VSNL1: variants seen among roughly 807,000 people sequenced by gnomAD.
The protein encoded by VSNL1 is visinin-like protein 1.
VSNL1 carries 6 observed loss-of-function variants against 20.4 expected under a neutral mutation model. The ratio of observed to expected loss-of-function variants is 0.29; its 90% CI spans 0.16 to 0.58. The LOEUF (loss-of-function observed/expected upper bound fraction) is 0.58, where lower values mean the gene tolerates loss of function less well. VSNL1 is among the 20% of genes least tolerant of loss of function. The pLI, the probability that VSNL1 is intolerant of heterozygous loss-of-function variation, is 0.90. For missense variants in VSNL1, 100 were observed against 234.5 expected (o/e 0.43, Z 3.75); for synonymous variants, 93 against 86.4 (o/e 1.08, Z -0.42).
intron 2 of VSNL1, among the ~76,000 whole-genome samples, chr2:17,609,396 A>C (rs1382254087): frequency 6.6e-6 from 1 of 152,188 alleles, no homozygotes; most frequent in Non-Finnish European, 1.5e-5. Flanking sequence ...AGTAGCCTTC[A>C]TTTTGGTTGG....
chr2:17,605,618 G>A (rs1367522568), intron 2 of VSNL1, among the ~76,000 whole-genome samples: 1 of 152,192 alleles, frequency 6.6e-6, no homozygotes, highest in Non-Finnish European at 1.5e-5. Context: ...CAGGCAGAGT[G>A]TTAGGGGCAT....
At chr2:17,606,810 T>C (rs953296741) in intron 2 of VSNL1, among the ~76,000 whole-genome samples, 13 of 152,148 alleles carry the variant, frequency 8.5e-5, no homozygotes, top group African/African-American at 3.1e-4. Context: ...CTGGTCTACT[T>C]TGCATGAAAG....
chr2:17,618,150 T>G (rs1347220281), intron 2 of VSNL1, among the ~76,000 whole-genome samples: 1 of 152,206 alleles, frequency 6.6e-6, no homozygotes, highest in Non-Finnish European at 1.5e-5. Flanking sequence ...AGTCACCTGG[T>G]GTATCAGTTT....
At chr2:17,637,300 G>T (rs781758815) in intron 2 of VSNL1, among the ~76,000 whole-genome samples, 1 of 152,220 alleles carries the variant, frequency 6.6e-6, no homozygotes, top group Non-Finnish European at 1.5e-5. Flanking sequence ...AAGACTAAGG[G>T]CTGCTATGAC....
At chr2:17,543,134 T>C (rs1013403810) in intron 1 of VSNL1, among the ~76,000 whole-genome samples, 2 of 152,212 alleles carry the variant, frequency 1.3e-5, no homozygotes, top group Admixed American at 6.5e-5. Context: ...TCTCTTTGTC[T>C]TGTAAGGTCT....
At chr2:17,561,800 A>G (rs1663821959) in intron 1 of VSNL1, among the ~76,000 whole-genome samples, 1 of 152,038 alleles carries the variant, frequency 6.6e-6, no homozygotes, top group South Asian at 2.1e-4. Flanking sequence ...GGAGAGAGAG[A>G]CTGTTTATGA....
chr2:17,556,644 C>A (rs1208475627), intron 1 of VSNL1, among the ~76,000 whole-genome samples: 1 of 152,152 alleles, frequency 6.6e-6, no homozygotes, highest in Non-Finnish European at 1.5e-5. Context: ...TTCACAGTGG[C>A]ATATGTATAA....
chr2:17,637,674 C>T (rs1195281892), intron 2 of VSNL1, among the ~76,000 whole-genome samples: 7 of 152,310 alleles, frequency 4.6e-5, no homozygotes, highest in African/African-American at 1.4e-4. Context: ...AGAGAGTGTG[C>T]GCTATGCAAA....
intron 2 of VSNL1, among the ~76,000 whole-genome samples, chr2:17,625,922 C>T (rs1490259056): frequency 6.6e-6 from 1 of 150,766 alleles, no homozygotes; most frequent in Non-Finnish European, 1.5e-5. Context: ...CCTGCCTCAG[C>T]CTCCTAAGCA....
intron 3 of VSNL1, among the ~76,000 whole-genome samples, chr2:17,652,415 G>A (rs963526863): frequency 2.6e-5 from 4 of 152,204 alleles, no homozygotes; most frequent in Non-Finnish European, 4.4e-5. Context: ...AGTAAAAGGA[G>A]AAAAGTAATC....
rs1666079768 is a variant in VSNL1 at position 17,649,614 on chromosome 2, G to C, written c.367G>C (p.Glu123Gln). Residue 123 changes from glutamate (E) to glutamine (Q), a missense_variant, in exon 3 of 4, where the codon GAG becomes CAG. Physicochemically the swap from Glu to Gln is conservative, Grantham distance 29. Coordinates refer to ENST00000295156, the MANE Select transcript of VSNL1 (RefSeq NM_003385.5). The surrounding 1 kb of genome is among the most constrained non-coding windows in gnomAD (Gnocchi z 6.4). ...CAAGATCACCCGAGTGGAGATGCTG[G>C]AGATCATCGAGGTGAGGCCCGGGGT... ...DGKITRVEML[E>Q]IIEAIYKMVG... 1 of 1,614,022 alleles carries C rather than the reference G, an allele frequency of 6.2e-7. No individual in the cohort carries two copies. The highest frequency in any genetic ancestry group is 1.3e-5 in the African/African-American group (1 of 74,932).
At chr2:17,642,418 C>T (rs1368685095) in intron 2 of VSNL1, among the ~76,000 whole-genome samples, 1 of 151,230 alleles carries the variant, frequency 6.6e-6, no homozygotes, top group Non-Finnish European at 1.5e-5. Context: ...ACACCATCCT[C>T]CTGCCTCAGC....
chr2:17,582,578 A>G (rs1314418667), intron 1 of VSNL1, among the ~76,000 whole-genome samples: 2 of 152,114 alleles, frequency 1.3e-5, no homozygotes, highest in East Asian at 3.9e-4. Flanking sequence ...TAACTTGTTG[A>G]TAGGTTTACA....
At chr2:17,601,487 T>G (rs1302012609) in intron 2 of VSNL1, among the ~76,000 whole-genome samples, 1 of 150,688 alleles carries the variant, frequency 6.6e-6, no homozygotes, top group Non-Finnish European at 1.5e-5. Flanking sequence ...AACACAAAAA[T>G]CAGCCAGGTA....
intron 2 of VSNL1, among the ~76,000 whole-genome samples, chr2:17,602,093 G>A (rs1323109676): frequency 6.6e-6 from 1 of 152,200 alleles, no homozygotes; most frequent in African/African-American, 2.4e-5. Flanking sequence ...TTTGGGATCT[G>A]GCTATCACTG....
In VSNL1 at chr2:17,586,714, C is replaced by T. The variant is rs188603638; in HGVS notation, c.-5-5356C>T. 2.0e-4 allele frequency among the ~76,000 whole-genome samples: 31 copies of T among 152,276 alleles called. 1 individual carries two copies. Among genetic ancestry groups the T allele is most frequent in the Admixed American group, 1.5e-3 (23 of 15,300 alleles). ...GTGCAGAGAGTTTTCTGCCTGATTC[C>T]GTCAAGTTAATTATGCCATGGGTCA... On this transcript the variant is annotated intron_variant, in intron 1 of 3. Transcript: ENST00000295156.
intron 2 of VSNL1, among the ~76,000 whole-genome samples, chr2:17,600,835 G>C (rs1664805221): frequency 6.6e-6 from 1 of 152,124 alleles, no homozygotes; most frequent in South Asian, 2.1e-4. Context: ...CAAGAGCTGG[G>C]GTCTGAAATC....
At chr2:17,590,475 A>T (rs1197258350) in intron 1 of VSNL1, among the ~76,000 whole-genome samples, 1 of 152,178 alleles carries the variant, frequency 6.6e-6, no homozygotes, top group Non-Finnish European at 1.5e-5. Flanking sequence ...AAATAAGTAG[A>T]GAAGCCCCAT....
At chr2:17,553,915 G>A (rs551144043) in intron 1 of VSNL1, among the ~76,000 whole-genome samples, 2 of 152,272 alleles carry the variant, frequency 1.3e-5, no homozygotes, top group Admixed American at 6.5e-5. Flanking sequence ...CAATTCAAGA[G>A]CTCTTAATTT....
Sources: allele counts gnomAD v4.1 joint callset (sites outside exome capture counted in the v4.1 genomes callset), GRCh38; gene constraint gnomAD v4.1.1; non-coding constraint Gnocchi (gnomAD v3.1); transcripts MANE v1.5; gene names NCBI Gene and HGNC (gene_info 2026-07-23, HGNC 2026-07-21).